NRCAM: variants seen among roughly 807,000 people sequenced by gnomAD.
NRCAM encodes NgCAM-related cell adhesion molecule.
In NRCAM, 83 loss-of-function variants were observed where a neutral mutation model predicts 156.5. The ratio of observed to expected loss-of-function variants is 0.53; its 90% CI spans 0.44 to 0.64. NRCAM has a LOEUF of 0.64. Among genes scored for constraint, NRCAM ranks in the 30% least tolerant of loss-of-function variants. The pLI is 0.00. For missense variants in NRCAM, 1,417 were observed against 1,597.3 expected, an observed-to-expected ratio of 0.89 and a Z score of 1.92; for synonymous variants, 538 against 563.9, an observed-to-expected ratio of 0.95 and a Z score of 0.65.
chr7:108,395,129 T>A (rs574576491), intron 2 of NRCAM, among the ~76,000 whole-genome samples: 14 of 152,298 alleles, frequency 9.2e-5, no homozygotes, highest in Non-Finnish European at 1.6e-4. Context: ...TATGAGAAAA[T>A]GTGAAGAGTC....
intron 2 of NRCAM, among the ~76,000 whole-genome samples, chr7:108,392,250 T>G (rs565118336): frequency 6.6e-6 from 1 of 152,244 alleles, no homozygotes; most frequent in Non-Finnish European, 1.5e-5. Flanking sequence ...TAGTCCCATA[T>G]TTCTTGGAGG....
intron 3 of NRCAM, among the ~76,000 whole-genome samples, chr7:108,272,998 T>G (rs1394554048): frequency 1.3e-5 from 2 of 152,124 alleles, no homozygotes; most frequent in East Asian, 3.9e-4. Flanking sequence ...ACATGTGGTG[T>G]TTGGTTTTCT....
In NRCAM at chr7:108,231,162, T is replaced by TA. The variant is rs2094278312; in HGVS notation, c.428-10dup. ...GGTCCACAATGGTGATCCTATTAAATAAAAAAATAACTTCTCAGTTATTTC... is the reference window on the plus strand; with the variant it reads ...GGTCCACAATGGTGATCCTATTAAATAAAAAAAATAACTTCTCAGTTATTTC... On this transcript the variant is annotated splice_polypyrimidine_tract_variant and intron_variant, in intron 7 of 32. Transcript: ENST00000379028. The TA allele has an allele frequency of 6.4e-7, 1 of 1,561,394 alleles. No homozygotes were observed. Among genetic ancestry groups the TA allele is most frequent in the East Asian group, 2.3e-5 (1 of 42,904 alleles).
chr7:108,347,238 G>A (rs918089564), intron 2 of NRCAM, among the ~76,000 whole-genome samples: 7 of 151,804 alleles, frequency 4.6e-5, no homozygotes, highest in African/African-American at 1.5e-4. Flanking sequence ...GGATTTCACC[G>A]TGTTAGCCAG....
At chr7:108,154,412 C>T (rs1295504540) in intron 32 of NRCAM, among the ~76,000 whole-genome samples, 1 of 152,108 alleles carries the variant, frequency 6.6e-6, no homozygotes, top group Non-Finnish European at 1.5e-5. Context: ...ACTAAACTCT[C>T]TTATTATAAT....
intron 2 of NRCAM, among the ~76,000 whole-genome samples, chr7:108,397,576 C>T (rs2099780552): frequency 6.6e-6 from 1 of 152,068 alleles, no homozygotes; most frequent in South Asian, 2.1e-4. Context: ...GGCCCTAACA[C>T]CACCCCACTG....
intron 24 of NRCAM, among the ~76,000 whole-genome samples, chr7:108,181,020 C>CT (rs915088011): frequency 2.6e-5 from 4 of 152,086 alleles, no homozygotes; most frequent in East Asian, 1.9e-4. Flanking sequence ...GTTTAAAATA[C>CT]TTTTTTTTGT....
At chr7:108,186,756 A>T (rs964075044) in intron 20 of NRCAM, among the ~76,000 whole-genome samples, 2 of 152,214 alleles carry the variant, frequency 1.3e-5, no homozygotes, top group Admixed American at 1.3e-4. Context: ...AACAATTTTA[A>T]ATCTATTTAT....
chr7:108,284,880 G>A (rs747580842), intron 3 of NRCAM, among the ~76,000 whole-genome samples: 5 of 152,198 alleles, frequency 3.3e-5, no homozygotes, highest in South Asian at 2.1e-4. Context: ...TGTGCTGCAC[G>A]CACTTAGCAC....
chr7:108,260,909 C>G (rs1409422712), intron 3 of NRCAM, among the ~76,000 whole-genome samples: 1 of 152,076 alleles, frequency 6.6e-6, no homozygotes. Context: ...TTCTCATATT[C>G]AATTCCTGGC....
At chr7:108,239,269 T>G (rs1035433820) in intron 4 of NRCAM, among the ~76,000 whole-genome samples, 2 of 152,176 alleles carry the variant, frequency 1.3e-5, no homozygotes, top group Non-Finnish European at 2.9e-5. Flanking sequence ...TAGCTGTTGT[T>G]TGCTCCATTT....
At chr7:108,274,185 C>T (rs1296140607) in intron 3 of NRCAM, among the ~76,000 whole-genome samples, 1 of 152,130 alleles carries the variant, frequency 6.6e-6, no homozygotes, top group African/African-American at 2.4e-5. Flanking sequence ...ATGCCTCCAG[C>T]TTTGCTCTTT....
intron 3 of NRCAM, among the ~76,000 whole-genome samples, chr7:108,294,134 T>A (rs2098399845): frequency 1.3e-5 from 2 of 150,572 alleles, no homozygotes; most frequent in African/African-American, 4.9e-5. Context: ...GTAGGAGCAG[T>A]AGGGTTGATG....
intron 2 of NRCAM, among the ~76,000 whole-genome samples, chr7:108,358,903 C>G (rs531968689): frequency 3.3e-5 from 5 of 152,174 alleles, no homozygotes; most frequent in African/African-American, 1.2e-4. Flanking sequence ...AATGACTTAA[C>G]AGATTGCATG....
chr7:108,174,525 T>C (rs2059754815), intron 28 of NRCAM, among the ~76,000 whole-genome samples: 1 of 152,214 alleles, frequency 6.6e-6, no homozygotes, highest in Non-Finnish European at 1.5e-5. Flanking sequence ...AGCTGACTGG[T>C]CAACCAGCAG....
At chr7:108,279,253 T>A (rs1025104081) in intron 3 of NRCAM, among the ~76,000 whole-genome samples, 1 of 152,202 alleles carries the variant, frequency 6.6e-6, no homozygotes, top group African/African-American at 2.4e-5. Context: ...AATAATAGTT[T>A]TATCAATTTT....
chr7:108,422,125 C>A (rs543643547), intron 1 of NRCAM, among the ~76,000 whole-genome samples: 2 of 152,284 alleles, frequency 1.3e-5, no homozygotes, highest in Admixed American at 1.3e-4. Flanking sequence ...AGAGTATGCT[C>A]CTCCCTTCTG....
intron 11 of NRCAM, among the ~76,000 whole-genome samples, chr7:108,211,268 C>G (rs759363359): frequency 3.3e-5 from 5 of 152,216 alleles, no homozygotes; most frequent in Non-Finnish European, 5.9e-5. Context: ...GCCATTCCTG[C>G]CTGGCACCAC....
At chr7:108,391,591 T>C (rs1401751454) in intron 2 of NRCAM, among the ~76,000 whole-genome samples, 1 of 152,146 alleles carries the variant, frequency 6.6e-6, no homozygotes, top group African/African-American at 2.4e-5. Flanking sequence ...GTTAATATTG[T>C]TATGTGTGAA....
Sources: gnomAD v4.1 joint callset for allele counts (sites outside exome capture counted in the v4.1 genomes callset) on GRCh38, gnomAD v4.1.1 for gene constraint, MANE v1.5 for transcripts, NCBI Gene and HGNC (gene_info 2026-07-23, HGNC 2026-07-21) for gene names.